Variants in GPR158 observed in about 807,000 individuals in gnomAD.
GPR158 encodes G protein-coupled receptor 158, also known as metabotropic glycine receptor.
In GPR158, 30 loss-of-function variants were observed where a neutral mutation model predicts 78.2. The observed-to-expected ratio is 0.38, with a 90% CI of 0.29 to 0.52. The LOEUF (loss-of-function observed/expected upper bound fraction) is 0.52, where lower values mean the gene tolerates loss of function less well. Ranked by LOEUF, GPR158 falls within the 20% of genes least tolerant of loss-of-function variation. The pLI, the probability that GPR158 is intolerant of heterozygous loss-of-function variation, is 0.83. For missense variants in GPR158, 1,463 were observed against 1,523.5 expected (o/e 0.96, Z 0.66); for synonymous variants, 581 against 591.1 (o/e 0.98, Z 0.25).
intron 7 of GPR158, among the ~76,000 whole-genome samples, chr10:25,575,630 T>C (rs16926120): frequency 0.047 from 7,164 of 152,240 alleles, 539 homozygotes; most frequent in African/African-American, 0.16. Context: ...GATGAACTTA[T>C]GAGAACATAA....
chr10:25,596,008 A>C (rs577692960), intron 9 of GPR158, among the ~76,000 whole-genome samples: 1 of 152,312 alleles, frequency 6.6e-6, no homozygotes, highest in South Asian at 2.1e-4. Flanking sequence ...TTCTCATGGT[A>C]CTTATAATCT....
chr10:25,402,578 A>G (rs933308130), intron 3 of GPR158, among the ~76,000 whole-genome samples: 4 of 152,060 alleles, frequency 2.6e-5, no homozygotes, highest in Non-Finnish European at 5.9e-5. Context: ...CTATACTCAC[A>G]TGGTTCAGGA....
Position 25,259,355 on chromosome 10 carries a change from T to G in GPR158, c.1008+38198T>G, listed in dbSNP as rs1005014481. Among the ~76,000 whole-genome samples, 6 of 152,144 alleles carry G rather than the reference T, an allele frequency of 3.9e-5. No individual in the cohort carries two copies. In the South Asian group the frequency reaches 1.2e-3, roughly 32 times the overall value. ...TGCCTTGTGTAGATAATTAATTGTC[T>G]CAGACAACTTTTTTGGTCTTTCTTT... On this transcript the variant is annotated intron_variant, in intron 2 of 10. Coordinates refer to ENST00000376351, the MANE Select transcript of GPR158 (RefSeq NM_020752.3).
At chr10:25,375,476 T>G (rs1255217062) in intron 2 of GPR158, among the ~76,000 whole-genome samples, 1 of 151,650 alleles carries the variant, frequency 6.6e-6, no homozygotes, top group East Asian at 1.9e-4. Flanking sequence ...CTTTTTTTTC[T>G]ACAATTCTTA....
chr10:25,428,211 T>C (rs988895705), intron 4 of GPR158, among the ~76,000 whole-genome samples: 1 of 152,102 alleles, frequency 6.6e-6, no homozygotes, highest in Non-Finnish European at 1.5e-5. Context: ...AGTACTACTA[T>C]TGCTTATATT....
At chr10:25,219,853 T>G (rs1853274604) in intron 1 of GPR158, among the ~76,000 whole-genome samples, 1 of 152,224 alleles carries the variant, frequency 6.6e-6, no homozygotes, top group South Asian at 2.1e-4. Flanking sequence ...GTCAGTACTA[T>G]ATTCCTGTTT....
At chr10:25,510,186 C>T (rs1836065705) in intron 5 of GPR158, among the ~76,000 whole-genome samples, 1 of 152,134 alleles carries the variant, frequency 6.6e-6, no homozygotes, top group African/African-American at 2.4e-5. Context: ...TAGAGTCTTC[C>T]ACAGAGTTGG....
intron 2 of GPR158, among the ~76,000 whole-genome samples, chr10:25,271,417 G>A (rs1341850410): frequency 6.6e-6 from 1 of 152,022 alleles, no homozygotes; most frequent in East Asian, 1.9e-4. Flanking sequence ...AACATTAACA[G>A]CAACTCAAGT....
At chr10:25,391,121 A>G (rs1309225409) in intron 2 of GPR158, among the ~76,000 whole-genome samples, 1 of 152,222 alleles carries the variant, frequency 6.6e-6, no homozygotes, top group Non-Finnish European at 1.5e-5. Flanking sequence ...CCTAGATTTC[A>G]GAGGATGCAT....
At chr10:25,201,427 T>C (rs1336387526) in intron 1 of GPR158, among the ~76,000 whole-genome samples, 1 of 152,156 alleles carries the variant, frequency 6.6e-6, no homozygotes. Context: ...CTGGGTATAA[T>C]ATCATACCAT....
chr10:25,210,547 T>C (rs1000995986), intron 1 of GPR158, among the ~76,000 whole-genome samples: 1 of 152,220 alleles, frequency 6.6e-6, no homozygotes, highest in East Asian at 1.9e-4. Context: ...TCTAAATATT[T>C]TTTTTTGCCA....
At chr10:25,200,693 C>CAAAATCTT (rs1852911820) in intron 1 of GPR158, among the ~76,000 whole-genome samples, 1 of 151,974 alleles carries the variant, frequency 6.6e-6, no homozygotes, top group Non-Finnish European at 1.5e-5. Context: ...AGAAAGGTGT[C>CAAAATCTT]CAGTGTTAAA....
chr10:25,176,312 C>G lies in GPR158; in HGVS notation c.892C>G (p.Pro298Ala), dbSNP rs546549345. ...CTACGGGTTGCAGCCTAACCTGGTC[C>G]CGGAATTCAGGTAGGGAGGGCCGGG... ...AIYGLQPNLV[P>A]EFRGVMKVDI... The change falls in exon 1 of 11, where the codon CCG becomes GCG. Residue 298 changes from proline to alanine, a missense_variant. Transcript: ENST00000376351. The surrounding 1 kb of genome is among the most constrained non-coding windows in gnomAD (Gnocchi z 6.3). 1.0e-5 allele frequency: 16 copies of G among 1,578,006 alleles called. No homozygotes were observed. The African/African-American group carries it at 1.2e-4, about 12-fold the overall frequency.
At chr10:25,258,279 C>A (rs1388666816) in intron 2 of GPR158, among the ~76,000 whole-genome samples, 1 of 152,150 alleles carries the variant, frequency 6.6e-6, no homozygotes, top group Non-Finnish European at 1.5e-5. Flanking sequence ...TTATGCATTT[C>A]TCATACACTG....
At chr10:25,381,611 G>A (rs1435643157) in intron 2 of GPR158, among the ~76,000 whole-genome samples, 1 of 152,038 alleles carries the variant, frequency 6.6e-6, no homozygotes, top group Non-Finnish European at 1.5e-5. Context: ...GGAGGGACAT[G>A]GTTTCCATTT....
chr10:25,545,592 TG>T (rs1448372688), intron 5 of GPR158, among the ~76,000 whole-genome samples: 3 of 152,186 alleles, frequency 2.0e-5, no homozygotes, highest in Non-Finnish European at 2.9e-5. Context: ...AAGTTAAATT[TG>T]GGGGATTTGA....
chr10:25,317,051 A>ATT (rs111929383), intron 2 of GPR158, among the ~76,000 whole-genome samples: 70 of 141,786 alleles, frequency 4.9e-4, no homozygotes, highest in African/African-American at 1.5e-3. Context: ...TTTTAAAGTA[A>ATT]TTTTTTTTTT....
At chr10:25,417,487 A>T (rs995379266) in intron 4 of GPR158, among the ~76,000 whole-genome samples, 1 of 152,186 alleles carries the variant, frequency 6.6e-6, no homozygotes, top group South Asian at 2.1e-4. Flanking sequence ...AGCAGGTTCT[A>T]TGCATGAAAT....
intron 5 of GPR158, among the ~76,000 whole-genome samples, chr10:25,512,824 A>G (rs1039765988): frequency 6.6e-6 from 1 of 152,044 alleles, no homozygotes; most frequent in African/African-American, 2.4e-5. Context: ...TTTATGTGCT[A>G]TATCACATTT....
Sources: allele counts gnomAD v4.1 joint callset (sites outside exome capture counted in the v4.1 genomes callset), GRCh38; gene constraint gnomAD v4.1.1; non-coding constraint Gnocchi (gnomAD v3.1); transcripts MANE v1.5; gene names NCBI Gene and HGNC (gene_info 2026-07-23, HGNC 2026-07-21).